Variants in KCNQ1 observed in about 807,000 individuals in gnomAD.
The protein encoded by KCNQ1 is potassium voltage-gated channel subfamily KQT member 1.
A neutral mutation model predicts 72.4 loss-of-function variants in KCNQ1; 49 were observed. The observed-to-expected ratio is 0.68, with a 90% CI of 0.54 to 0.86. The LOEUF is 0.86. Ranked by LOEUF, KCNQ1 falls within the 40% of genes least tolerant of loss-of-function variation. The probability of loss-of-function intolerance (pLI) is 0.00; values close to 1 mark genes in which losing one functional copy is unlikely to be tolerated. For synonymous variants in KCNQ1, 450 were observed against 412.6 expected (o/e 1.09, Z -1.10); for missense variants, 790 against 945.1 (o/e 0.84, Z 2.15).
At chr11:2,551,447 C>G (rs545475673) in intron 2 of KCNQ1, among the ~76,000 whole-genome samples, 1 of 152,314 alleles carries the variant, frequency 6.6e-6, no homozygotes, top group Admixed American at 6.5e-5. Flanking sequence ...AGCAGTTTGT[C>G]TCCTTTTATT....
intron 15 of KCNQ1, among the ~76,000 whole-genome samples, chr11:2,793,736 C>T (rs1374456300): frequency 3.9e-5 from 6 of 152,318 alleles, no homozygotes; most frequent in Non-Finnish European, 7.3e-5. Flanking sequence ...CCTTCTGAAG[C>T]ACTGTGGGCA....
rs117016368 is a variant in KCNQ1, at chr11:2,800,017, C to T, written c.1794+21980C>T. Among the ~76,000 whole-genome samples the T allele has an allele frequency of 3.0e-3, 451 of 152,286 alleles. 9 individuals carry two copies. The East Asian group carries it at 0.063, about 21-fold the overall frequency. On this transcript the variant is annotated intron_variant, in intron 15 of 15. Transcript: ENST00000155840. ...TAAGGGTGGGGTAGAAGCATGGTGCCGGCTCAGCCACCCTCAGGTCTCCAG... is the reference window on the plus strand; with the variant it reads ...TAAGGGTGGGGTAGAAGCATGGTGCTGGCTCAGCCACCCTCAGGTCTCCAG...
Position 2,484,862 on chromosome 11 carries a change from G to A in KCNQ1, c.386+39378G>A, listed in dbSNP as rs914674138. 6.6e-6 allele frequency among the ~76,000 whole-genome samples: 1 copy of A among 152,124 alleles called. No homozygotes were observed. The highest frequency in any genetic ancestry group is 2.4e-5 in the African/African-American group (1 of 41,424). On this transcript the variant is annotated intron_variant, in intron 1 of 15. Transcript: ENST00000155840. This position sits in a 1 kb window ranked among gnomAD's most constrained non-coding sequence, Gnocchi z 5.2. ...TCATACTGTCTCCAACTCCAGTTCT[G>A]CCCCAGTGGGGCCAATTCTCTCTCT...
chr11:2,661,878 C>T lies in KCNQ1; in HGVS notation c.1394-83C>T. On this transcript the variant is annotated intron_variant, in intron 10 of 15. Transcript: ENST00000155840. This position sits in a 1 kb window ranked among gnomAD's most constrained non-coding sequence, Gnocchi z 5.9. Reference sequence around the variant, plus strand: ...GCACAAGCTCCACTCCTCACCTGGCCCTGGGAGCTCACAGGCCTGGCTCCA... The same window carrying T: ...GCACAAGCTCCACTCCTCACCTGGCTCTGGGAGCTCACAGGCCTGGCTCCA... 1.3e-6 allele frequency: 2 copies of T among 1,572,484 alleles called. No homozygotes were observed. Among genetic ancestry groups the T allele is most frequent in the Non-Finnish European group, 1.7e-6 (2 of 1,143,664 alleles).
At position 2,543,170 on chromosome 11, in the gene KCNQ1, T is replaced by C. The variant is rs1438047509; in HGVS notation, c.477+15152T>C. ...TTCACCCATTGTAAAATTGGGCTGT[T>C]TGTCATCTGAGTTGTAAAAGTTCTT... is the stretch of plus-strand genomic sequence containing the variant. On this transcript the variant is annotated intron_variant, in intron 2 of 15. Coordinates refer to ENST00000155840, the MANE Select transcript of KCNQ1 (RefSeq NM_000218.3). This position sits in a 1 kb window ranked among gnomAD's most constrained non-coding sequence, Gnocchi z 5.6. Among the ~76,000 whole-genome samples, 1 of 152,258 alleles carries C rather than the reference T, an allele frequency of 6.6e-6. No homozygotes were observed. Among genetic ancestry groups the C allele is most frequent in the East Asian group, 1.9e-4 (1 of 5,204 alleles).
intron 11 of KCNQ1, chr11:2,688,728 G>A (rs756546492): frequency 3.0e-5 from 12 of 398,846 alleles, no homozygotes; most frequent in Non-Finnish European, 4.4e-5. Context: ...TGGGTGGCCC[G>A]GCTCTGAGCT....
rs1240002045 is a variant in KCNQ1 at position 2,536,667 on chromosome 11, A to G, written c.477+8649A>G. Among the ~76,000 whole-genome samples the G allele has an allele frequency of 6.6e-6, 1 of 152,252 alleles. No individual in the cohort carries two copies. Among genetic ancestry groups the G allele is most frequent in the East Asian group, 1.9e-4 (1 of 5,168 alleles). ...TTCCCAGGCTGGGCTTCAAAACCGG[A>G]CACAGGGCGTGGCTCTCCCTCCCAG... On this transcript the variant is annotated intron_variant, in intron 2 of 15. Transcript: ENST00000155840. The surrounding 1 kb of genome is among the most constrained non-coding windows in gnomAD (Gnocchi z 7.4).
chr11:2,761,659 A>AC (rs1391152388), intron 11 of KCNQ1, among the ~76,000 whole-genome samples: 1 of 151,688 alleles, frequency 6.6e-6, no homozygotes, highest in Non-Finnish European at 1.5e-5. Flanking sequence ...GAGAGACACC[A>AC]CCCCCTGCAA....
chr11:2,531,177 CTGGG>C (rs1847620452), intron 2 of KCNQ1, among the ~76,000 whole-genome samples: 2 of 142,296 alleles, frequency 1.4e-5, no homozygotes, highest in Non-Finnish European at 3.0e-5. Context: ...CAGACGTGCC[CTGGG>C]CTCCACATGC....
chr11:2,684,175 G>A (rs569704640), intron 11 of KCNQ1: 18 of 398,620 alleles, frequency 4.5e-5, no homozygotes, highest in Middle Eastern at 6.3e-4. Flanking sequence ...GAAGAGAAGC[G>A]CCCACTGGGG....
intron 11 of KCNQ1, among the ~76,000 whole-genome samples, chr11:2,709,500 A>G (rs1850969575): frequency 6.6e-6 from 1 of 152,028 alleles, no homozygotes; most frequent in Non-Finnish European, 1.5e-5. Flanking sequence ...CACATACCAT[A>G]CAATTCACCC....
chr11:2,756,110 G>A (rs1383639720), intron 11 of KCNQ1, among the ~76,000 whole-genome samples: 1 of 152,122 alleles, frequency 6.6e-6, no homozygotes, highest in Non-Finnish European at 1.5e-5. Context: ...ACTTTAAAAG[G>A]GTGGCATCAC....
rs3079043 is a variant in KCNQ1 at position 2,799,375 on chromosome 11, AGT to A, written c.1794+21364_1794+21365del. Among the ~76,000 whole-genome samples the A allele has an allele frequency of 5.6e-3, 819 of 146,934 alleles. 4 individuals are homozygous for A. Among genetic ancestry groups the A allele is most frequent in the African/African-American group, 0.014 (579 of 40,038 alleles). On this transcript the variant is annotated intron_variant, in intron 15 of 15. Transcript: ENST00000155840. ...TTTAACTTCTGTAGCTGTAAGTTCG[AGT>A]GTGTGTGTGTGTGTGTGTGTGTGTG... is the stretch of plus-strand genomic sequence containing the variant.
chr11:2,660,130 T>G (rs1231091576), intron 10 of KCNQ1: 4 of 398,364 alleles, frequency 1.0e-5, no homozygotes, highest in African/African-American at 8.2e-5. Flanking sequence ...TCCAAGGTCC[T>G]GGAGATTTTC....
rs1466450770 is a variant in KCNQ1 at position 2,488,792 on chromosome 11, A to G, written c.387-39136A>G. 6.6e-6 allele frequency among the ~76,000 whole-genome samples: 1 copy of G among 152,214 alleles called. No homozygotes were observed. Among genetic ancestry groups the G allele is most frequent in the African/African-American group, 2.4e-5 (1 of 41,460 alleles). On this transcript the variant is annotated intron_variant, in intron 1 of 15. Transcript: ENST00000155840. This position sits in a 1 kb window ranked among gnomAD's most constrained non-coding sequence, Gnocchi z 5.1. ...TCAATTCTTAAAATCTTTTCAGAGA[A>G]GCAACTTTGATTTAATTGATTTTTC...
intron 11 of KCNQ1, among the ~76,000 whole-genome samples, chr11:2,729,839 CAAAG>C (rs2133939268): frequency 6.6e-6 from 1 of 152,218 alleles, no homozygotes; most frequent in African/African-American, 2.4e-5. Context: ...GAAGGGAAAA[CAAAG>C]ACAGGCAGGG....
At chr11:2,707,696 C>T (rs1850933169) in intron 11 of KCNQ1, among the ~76,000 whole-genome samples, 1 of 152,222 alleles carries the variant, frequency 6.6e-6, no homozygotes, top group Admixed American at 6.5e-5. Context: ...CACTACCACC[C>T]ACTGTAGAGA....
chr11:2,613,871 A>G lies in KCNQ1; in HGVS notation c.1393+25017A>G. The G allele has an allele frequency of 2.5e-6, 1 of 398,548 alleles. No individual in the cohort carries two copies. Among genetic ancestry groups the G allele is most frequent in the Non-Finnish European group, 4.4e-6 (1 of 226,058 alleles). The allele number at this position is 398,548 out of a possible 1,614,324, so 24.7% of individuals were successfully genotyped here. A position where few individuals can be genotyped will look rare whatever the true frequency, so the allele number is the denominator to read the frequency against. On this transcript the variant is annotated intron_variant, in intron 10 of 15. Coordinates refer to ENST00000155840, the MANE Select transcript of KCNQ1 (RefSeq NM_000218.3). The surrounding 1 kb of genome is among the most constrained non-coding windows in gnomAD (Gnocchi z 4.8). ...TATAGTTTGTGTGTGTTTGCTCTTTATAAGACATGATTATTTTCTCATTTC... is the reference window on the plus strand; with the variant it reads ...TATAGTTTGTGTGTGTTTGCTCTTTGTAAGACATGATTATTTTCTCATTTC...
At chr11:2,693,322 T>TAAGC in intron 11 of KCNQ1, 2 of 398,650 alleles carry the variant, frequency 5.0e-6, no homozygotes, top group Non-Finnish European at 8.8e-6. Flanking sequence ...CTGGGCCCTC[T>TAAGC]CTCCCTGCCC....
Sources: allele counts gnomAD v4.1 joint callset (sites outside exome capture counted in the v4.1 genomes callset), GRCh38; gene constraint gnomAD v4.1.1; non-coding constraint Gnocchi (gnomAD v3.1); transcripts MANE v1.5; gene names NCBI Gene and HGNC (gene_info 2026-07-23, HGNC 2026-07-21).